The following HDAC1 variants were observed in gnomAD, a reference collection of about 807,000 sequenced individuals.
HDAC1 encodes the protein histone deacetylase 1.
A neutral mutation model predicts 65.5 loss-of-function variants in HDAC1; 18 were observed. That is an observed-to-expected ratio of 0.27 (90% CI 0.19 to 0.41). The LOEUF (loss-of-function observed/expected upper bound fraction) is 0.41, where lower values mean the gene tolerates loss of function less well. HDAC1 is among the 10% of genes least tolerant of loss of function. HDAC1 has a pLI of 1.00. For missense variants in HDAC1, 373 were observed against 625.2 expected (o/e 0.60, Z 4.30); for synonymous variants, 211 against 227.9 (o/e 0.93, Z 0.67).
In HDAC1 at chr1:32,330,894, CG is replaced by C; in HGVS notation, c.967del (p.Glu323ArgfsTer28). 1 of 1,614,098 alleles carries C rather than the reference CG, an allele frequency of 6.2e-7. No individual in the cohort carries two copies. Among genetic ancestry groups the C allele is most frequent in the African/African-American group, 1.3e-5 (1 of 75,018 alleles). ...WTYETAVALD[T>X]EIPNELPYND... ...TATGAGACAGCTGTGGCCCTGGATA[CG>C]GAGATCCCTAATGGTAATAGCTGCA... On this transcript the variant is annotated frameshift_variant, in exon 9 of 14. Coordinates refer to ENST00000373548, the MANE Select transcript of HDAC1 (RefSeq NM_004964.3). LOFTEE classifies it high-confidence loss of function. The surrounding 1 kb of genome is among the most constrained non-coding windows in gnomAD (Gnocchi z 4.2).
chr1:32,320,046 G>A (rs771694717), intron 3 of HDAC1, among the ~76,000 whole-genome samples: 1 of 151,844 alleles, frequency 6.6e-6, no homozygotes, highest in Non-Finnish European at 1.5e-5. Flanking sequence ...GTGAAACCCC[G>A]TCTCCACTAA....
At chr1:32,328,367 A>T (rs1641247180) in intron 6 of HDAC1, among the ~76,000 whole-genome samples, 1 of 151,120 alleles carries the variant, frequency 6.6e-6, no homozygotes, top group Non-Finnish European at 1.5e-5. Flanking sequence ...CCTGGAGTGC[A>T]GTGGCGTGAT....
Position 32,331,852 on chromosome 1 carries a change from C to G in HDAC1, c.1219+46C>G, listed in dbSNP as rs1330179463. On this transcript the variant is annotated intron_variant, in intron 11 of 13. Coordinates refer to ENST00000373548, the MANE Select transcript of HDAC1 (RefSeq NM_004964.3). This position sits in a 1 kb window ranked among gnomAD's most constrained non-coding sequence, Gnocchi z 4.2. ...CCTATGCCTTCCATTCAATAGGCAG[C>G]TCACACTTCCACCACCATTCCTGGC... is the stretch of plus-strand genomic sequence containing the variant. 3 of 1,554,742 alleles carry G rather than the reference C, an allele frequency of 1.9e-6. No individual in the cohort carries two copies. The highest frequency in any genetic ancestry group is 2.6e-6 in the Non-Finnish European group (3 of 1,148,096).
intron 2 of HDAC1, among the ~76,000 whole-genome samples, chr1:32,313,483 A>G (rs1570018715): frequency 6.6e-6 from 1 of 152,166 alleles, no homozygotes; most frequent in East Asian, 1.9e-4. Flanking sequence ...GCGATCCTCC[A>G]GGGCTTAGAT....
intron 2 of HDAC1, among the ~76,000 whole-genome samples, chr1:32,315,809 T>C (rs1641053441): frequency 6.9e-6 from 1 of 145,662 alleles, no homozygotes; most frequent in African/African-American, 2.5e-5. Flanking sequence ...CTACTAAAAA[T>C]ACAAAAATTA....
At chr1:32,321,613 C>T (rs1260982916) in intron 3 of HDAC1, among the ~76,000 whole-genome samples, 1 of 152,180 alleles carries the variant, frequency 6.6e-6, no homozygotes, top group Non-Finnish European at 1.5e-5. Flanking sequence ...GATTAGCTCA[C>T]ATGAGTATCT....
chr1:32,304,862 C>G (rs1176602877), intron 2 of HDAC1, among the ~76,000 whole-genome samples: 3 of 152,166 alleles, frequency 2.0e-5, no homozygotes, highest in African/African-American at 7.2e-5. Context: ...CCATACCCAG[C>G]CTCTCTTGGC....
chr1:32,329,145 G>A lies in HDAC1; in HGVS notation c.714G>A (p.Glu238=). The A allele has an allele frequency of 6.2e-7, 1 of 1,609,894 alleles. No homozygotes were observed. The highest frequency in any genetic ancestry group is 8.5e-7 in the Non-Finnish European group (1 of 1,176,220). The part of the protein sequence containing the change: ...LRDGIDDESY[E]AIFKPVMSKV... ...ACGGGATTGATGACGAGTCCTATGA[G>A]GCCATTTTCAAGCCGGTAAGTGGCT... The change falls in exon 7 of 14, where the codon GAG becomes GAA. Residue 238 remains glutamate, a synonymous_variant. Coordinates refer to ENST00000373548, the MANE Select transcript of HDAC1 (RefSeq NM_004964.3). The surrounding 1 kb of genome is among the most constrained non-coding windows in gnomAD (Gnocchi z 4.1).
intron 2 of HDAC1, among the ~76,000 whole-genome samples, chr1:32,313,875 C>T (rs1641023443): frequency 1.3e-5 from 2 of 152,142 alleles, no homozygotes; most frequent in Admixed American, 6.6e-5. Context: ...GATGGAATGG[C>T]GTCCTGTCCA....
At chr1:32,292,275 G>A in intron 1 of HDAC1, 57 bp downstream of exon 1, 1 of 1,544,372 alleles carries the variant, frequency 6.5e-7, no homozygotes, top group Non-Finnish European at 8.7e-7. Flanking sequence ...CGGGAACCTG[G>A]AGGCTGAGGC....
chr1:32,316,462 CT>C (rs1310901584), intron 2 of HDAC1, among the ~76,000 whole-genome samples: 1 of 152,190 alleles, frequency 6.6e-6, no homozygotes, highest in Non-Finnish European at 1.5e-5. Context: ...TGCTGTAGGT[CT>C]TCTGATACTC....
rs538374512 is a variant in HDAC1, at chr1:32,298,221, T to G, written c.50-4400T>G. On this transcript the variant is annotated intron_variant, in intron 1 of 13. Coordinates refer to ENST00000373548, the MANE Select transcript of HDAC1 (RefSeq NM_004964.3). ...TCCTGCCTCAGCCTTCCTGAGTAGCTGGGATTACAGGCATATGCCACCACG... is the reference window on the plus strand; with the variant it reads ...TCCTGCCTCAGCCTTCCTGAGTAGCGGGGATTACAGGCATATGCCACCACG... 8.6e-5 allele frequency among the ~76,000 whole-genome samples: 13 copies of G among 152,002 alleles called. No homozygotes were observed. In the South Asian group the frequency reaches 2.5e-3, roughly 29 times the overall value.
In HDAC1 at chr1:32,314,845, G is replaced by A. The variant is rs544652017; in HGVS notation, c.163-1820G>A. Reference sequence around the variant, plus strand: ...CGTCTCAAAAAAAAAAAAAAAAAAGGGATATTTCACATTTATTTCAGTATT... The same window carrying A: ...CGTCTCAAAAAAAAAAAAAAAAAAGAGATATTTCACATTTATTTCAGTATT... On this transcript the variant is annotated intron_variant, in intron 2 of 13. Transcript: ENST00000373548. Among the ~76,000 whole-genome samples, 180 of 151,782 alleles carry A rather than the reference G, an allele frequency of 1.2e-3. 1 individual carries two copies. Among genetic ancestry groups the A allele is most frequent in the African/African-American group, 4.2e-3 (172 of 41,338 alleles).
intron 1 of HDAC1, 77 bp downstream of exon 1, chr1:32,292,295 G>C: frequency 2.6e-6 from 4 of 1,540,188 alleles, no homozygotes; most frequent in South Asian, 1.2e-5. Context: ...CTGGAGCGCC[G>C]ATGGGAGGCT....
At chr1:32,325,778 C>T (rs1324960710) in intron 4 of HDAC1, among the ~76,000 whole-genome samples, 1 of 152,106 alleles carries the variant, frequency 6.6e-6, no homozygotes, top group Non-Finnish European at 1.5e-5. Context: ...GTAATCTCAG[C>T]ACTTTGGGAG....
intron 1 of HDAC1, among the ~76,000 whole-genome samples, chr1:32,302,387 G>C (rs1416073749): frequency 6.6e-6 from 1 of 151,876 alleles, no homozygotes; most frequent in Non-Finnish European, 1.5e-5. Flanking sequence ...TGTAGTGCCT[G>C]TGGGTTCCAG....
In HDAC1 at chr1:32,297,777, ATTTTTTTTTTT is replaced by A. The variant is rs71571709; in HGVS notation, c.50-4824_50-4814del. ...AGGCGCATGACACTACGCCTGGCTA[ATTTTTTTTTTT>A]TTTTTTTTTTTTTTTTTTTGAGATG... On this transcript the variant is annotated intron_variant, in intron 1 of 13. Coordinates refer to ENST00000373548, the MANE Select transcript of HDAC1 (RefSeq NM_004964.3). Among the ~76,000 whole-genome samples, 281 of 72,148 alleles carry A rather than the reference ATTTTTTTTTTT, an allele frequency of 3.9e-3. 3 individuals carry two copies. Among genetic ancestry groups the A allele is most frequent in the African/African-American group, 0.014 (230 of 16,090 alleles). The allele number at this position is 72,148 out of a possible 152,430, so 47.3% of individuals were successfully genotyped here. A position where few individuals can be genotyped will look rare whatever the true frequency, so the allele number is the denominator to read the frequency against.
Position 32,329,288 on chromosome 1 carries a change from G to A in HDAC1, c.729+128G>A, listed in dbSNP as rs1374413371. ...AGCTGGTGGGGAGATAGAAGTGTTT[G>A]AACCCTGGATTGCTGTGTGGTCAGT... On this transcript the variant is annotated intron_variant, in intron 7 of 13. Coordinates refer to ENST00000373548, the MANE Select transcript of HDAC1 (RefSeq NM_004964.3). This position sits in a 1 kb window ranked among gnomAD's most constrained non-coding sequence, Gnocchi z 4.1. The A allele has an allele frequency of 7.1e-6, 5 of 707,162 alleles. No homozygotes were observed. 43.8% of individuals were successfully genotyped at this position (707,162 alleles called of 1,614,324 possible).
At chr1:32,313,755 G>T (rs955838187) in intron 2 of HDAC1, among the ~76,000 whole-genome samples, 1 of 152,036 alleles carries the variant, frequency 6.6e-6, no homozygotes, top group Non-Finnish European at 1.5e-5. Context: ...GGTTTTCTCC[G>T]GGTACTCCAT....
Sources: gnomAD v4.1 joint callset for allele counts (sites outside exome capture counted in the v4.1 genomes callset) on GRCh38, gnomAD v4.1.1 for gene constraint, Gnocchi (gnomAD v3.1) non-coding constraint, MANE v1.5 for transcripts, NCBI Gene and HGNC (gene_info 2026-07-23, HGNC 2026-07-21) for gene names.